Variants in BBS1 observed in about 807,000 individuals in gnomAD.
BBS1 encodes BBSome complex member BBS1.
In BBS1, 60 loss-of-function variants were observed where a neutral mutation model predicts 73.9. The observed-to-expected ratio is 0.81, with a 90% CI of 0.66 to 1.01. The LOEUF is 1.01. BBS1 is among the 50% of genes least tolerant of loss of function. The pLI is 0.00. For synonymous variants in BBS1, 283 were observed against 317.4 expected (o/e 0.89, Z 1.15); for missense variants, 718 against 770.3 (o/e 0.93, Z 0.80).
At chr11:66,530,502 T>C (rs1856729550) in intron 14 of BBS1, among the ~76,000 whole-genome samples, 1 of 152,192 alleles carries the variant, frequency 6.6e-6, no homozygotes, top group Non-Finnish European at 1.5e-5. Context: ...TTCTGAGTTC[T>C]CTTTTCCTAA....
At chr11:66,524,590 C>G (rs1289396528) in intron 11 of BBS1, among the ~76,000 whole-genome samples, 1 of 152,140 alleles carries the variant, frequency 6.6e-6, no homozygotes, top group Non-Finnish European at 1.5e-5. Context: ...GGAGGAAGAA[C>G]ATTCTGCACA....
chr11:66,516,618 G>A (rs1044159294), intron 7 of BBS1, among the ~76,000 whole-genome samples: 2 of 151,988 alleles, frequency 1.3e-5, no homozygotes, highest in Non-Finnish European at 1.5e-5. Context: ...TGGTGTGATC[G>A]TGGCTCACTA....
At chr11:66,527,218 AAAGAG>A (rs1364753103) in intron 13 of BBS1, among the ~76,000 whole-genome samples, 1 of 151,734 alleles carries the variant, frequency 6.6e-6, no homozygotes, top group Non-Finnish European at 1.5e-5. Context: ...AAAAAAAAAA[AAAGAG>A]AGAGAGAGAA....
intron 11 of BBS1, 48 bp downstream of exon 11, chr11:66,523,930 C>T (rs368310925): frequency 7.0e-5 from 112 of 1,608,066 alleles, no homozygotes; most frequent in Middle Eastern, 3.3e-4. Flanking sequence ...TTGCCCTCGT[C>T]TCACCTCTGG....
chr11:66,524,430 G>A (rs980903515), intron 11 of BBS1, among the ~76,000 whole-genome samples: 9 of 151,678 alleles, frequency 5.9e-5, no homozygotes, highest in East Asian at 1.9e-4. Context: ...TAAAAGGGCC[G>A]ACTGAAGCAG....
rs1855920301 is a variant in BBS1 at position 66,510,706 on chromosome 11, G to A, written c.47G>A (p.Ser16Asn). 6.2e-7 allele frequency: 1 copy of A among 1,614,164 alleles called. No homozygotes were observed. The highest frequency in any genetic ancestry group is 8.5e-7 in the Non-Finnish European group (1 of 1,180,002). ...GATTCCGACGCCTGCGGAGCTGAGA[G>A]GTGAAGGCAGGGCTCCTCAAGGCCT... ...SSDSDACGAE[S>N]NEANSKWLDA... The change falls in exon 1 of 17, where the codon AGC becomes AAC. Residue 16 changes from serine (S) to asparagine (N), a missense_variant and splice_region_variant. Coordinates refer to ENST00000318312, the MANE Select transcript of BBS1 (RefSeq NM_024649.5).
At chr11:66,519,482 TAAA>T in intron 7 of BBS1, 132 bp from the exon 8 acceptor site, 1 of 1,291,530 alleles carries the variant, frequency 7.7e-7, no homozygotes, top group Non-Finnish European at 1.1e-6. Context: ...CCTTTGTACT[TAAA>T]TCTTCTGTCA....
chr11:66,511,491 C>T (rs1356160791), intron 3 of BBS1, among the ~76,000 whole-genome samples: 1 of 152,052 alleles, frequency 6.6e-6, no homozygotes, highest in African/African-American at 2.4e-5. Flanking sequence ...CTTAGTTAAC[C>T]TGATTTCTTT....
rs573949077 is a variant in BBS1, at chr11:66,531,586, T to C, written c.1609-70T>C. On this transcript the variant is annotated intron_variant, in intron 15 of 16. Transcript: ENST00000318312. ...TGAGGCTCAGTGGAGACTGCGGGCC[T>C]GAATGCACTGGAATATGCCAAACAC... is the stretch of plus-strand genomic sequence containing the variant. 79 of 1,602,214 alleles carry C rather than the reference T, an allele frequency of 4.9e-5. No individual in the cohort carries two copies. In the African/African-American group the frequency reaches 9.0e-4, roughly 18 times the overall value.
chr11:66,519,047 T>C (rs909370857), intron 7 of BBS1, among the ~76,000 whole-genome samples: 3 of 152,216 alleles, frequency 2.0e-5, no homozygotes, highest in South Asian at 2.1e-4. Context: ...ACAGGCATGA[T>C]CTGCTGAGCC....
rs1272183211 is a variant in BBS1 at position 66,529,824 on chromosome 11, C to T, written c.1345C>T (p.His449Tyr). ...LREREAGTAM[H>Y]RAFQTDLYLL... ...TCTGGGACCCTTCTCCACAGCCATG[C>T]ACCGGGCCTTCCAGACAGACCTATA... The change falls in exon 14 of 17, where the codon CAC becomes TAC. Residue 449 changes from histidine (H) to tyrosine (Y), a missense_variant. Coordinates refer to ENST00000318312, the MANE Select transcript of BBS1 (RefSeq NM_024649.5). The T allele has an allele frequency of 3.7e-6, 6 of 1,611,132 alleles. No individual in the cohort carries two copies. In the African/African-American group the frequency reaches 8.0e-5, roughly 22 times the overall value.
At chr11:66,515,992 C>A in intron 7 of BBS1, 59 bp downstream of exon 7, 1 of 1,535,244 alleles carries the variant, frequency 6.5e-7, no homozygotes, top group South Asian at 1.1e-5. Flanking sequence ...TTTAAAAGAC[C>A]ACTTAACATC....
At position 66,529,864 on chromosome 11, in the gene BBS1, G is replaced by T. The variant is rs769090687; in HGVS notation, c.1385G>T (p.Arg462Leu). Residue 462 changes from arginine (R) to leucine (L), a missense_variant, in exon 14 of 17, where the codon CGT becomes CTT. Transcript: ENST00000318312. ...FQTDLYLLRL[R>L]AARAYLQALE... ...ACAGACCTATACCTGCTGCGCCTAC[G>T]TGCTGCCCGCGCCTACCTGCAGGCC... The T allele has an allele frequency of 1.9e-6, 3 of 1,610,484 alleles. No individual in the cohort carries two copies. The highest frequency in any genetic ancestry group is 1.7e-6 in the Non-Finnish European group (2 of 1,179,966).
rs760190953 is a variant in BBS1 at position 66,526,793 on chromosome 11, G to A, written c.1325G>A (p.Arg442Gln). Residue 442 changes from arginine to glutamine, a missense_variant, in exon 13 of 17, where the codon CGG (arginine) becomes CAG (glutamine). Physicochemically the swap from Arg to Gln is conservative, Grantham distance 43. Coordinates refer to ENST00000318312, the MANE Select transcript of BBS1 (RefSeq NM_024649.5). ...TACGTGGATCAGACACTGCGAGAGC[G>A]GGAGGCTGGCACCGGTGAGCCTCAG... ...RLYVDQTLRE[R>Q]EAGTAMHRAF... The A allele has an allele frequency of 1.5e-5, 24 of 1,614,068 alleles. No homozygotes were observed. Among genetic ancestry groups the A allele is most frequent in the East Asian group, 8.9e-5 (4 of 44,892 alleles).
chr11:66,528,371 C>T (rs1856611307), intron 13 of BBS1, among the ~76,000 whole-genome samples: 1 of 152,162 alleles, frequency 6.6e-6, no homozygotes, highest in Non-Finnish European at 1.5e-5. Flanking sequence ...GTTAAAATCC[C>T]AGTGGGGTTT....
chr11:66,522,845 G>C (rs1380811544), intron 9 of BBS1: 1 of 302,088 alleles, frequency 3.3e-6, no homozygotes, highest in Non-Finnish European at 6.4e-6. Context: ...CAAGCTCAAT[G>C]GGGAAAAATA....
At chr11:66,524,266 C>T (rs1054603643) in intron 11 of BBS1, 4 of 324,272 alleles carry the variant, frequency 1.2e-5, no homozygotes, top group Middle Eastern at 1.1e-3. Context: ...GACAACAGAG[C>T]GAGACTCCAT....
chr11:66,515,038 G>A (rs1317508447), intron 4 of BBS1, among the ~76,000 whole-genome samples: 1 of 152,054 alleles, frequency 6.6e-6, no homozygotes, highest in Non-Finnish European at 1.5e-5. Context: ...GGCTGGTCTT[G>A]AACTCCTGGC....
At chr11:66,511,330 C>G in intron 3 of BBS1, 91 bp downstream of exon 3, 2 of 1,470,094 alleles carry the variant, frequency 1.4e-6, no homozygotes, top group East Asian at 2.3e-5. Flanking sequence ...GCCCAGCATA[C>G]TCTGGAATTC....
Sources: allele counts gnomAD v4.1 joint callset (sites outside exome capture counted in the v4.1 genomes callset), GRCh38; gene constraint gnomAD v4.1.1; transcripts MANE v1.5; gene names NCBI Gene and HGNC (gene_info 2026-07-23, HGNC 2026-07-21).